Variants in PTPN14 observed in about 807,000 individuals in gnomAD.
PTPN14 encodes the protein tyrosine-protein phosphatase non-receptor type 14.
In PTPN14, 53 loss-of-function variants were observed where a neutral mutation model predicts 126.8. The observed-to-expected ratio is 0.42, with a 90% CI of 0.34 to 0.53. PTPN14 has a LOEUF of 0.53. Ranked by LOEUF, PTPN14 falls within the 20% of genes least tolerant of loss-of-function variation. The probability of loss-of-function intolerance (pLI) is 0.08; values close to 1 mark genes in which losing one functional copy is unlikely to be tolerated. For synonymous variants in PTPN14, 630 were observed against 599.3 expected, an observed-to-expected ratio of 1.05 and a Z score of -0.75; for missense variants, 1,257 against 1,552.9, an observed-to-expected ratio of 0.81 and a Z score of 3.20.
intron 1 of PTPN14, among the ~76,000 whole-genome samples, chr1:214,490,946 AAGAAAGAAAGGAAGGAAGGAAG>A (rs1661228203): frequency 1.8e-5 from 2 of 111,612 alleles, no homozygotes; most frequent in Non-Finnish European, 4.1e-5. Context: ...AAAGAAAGAA[AAGAAAGAAAGGAAGGAAGGAAG>A]GGAAGGAAAG....
intron 3 of PTPN14, among the ~76,000 whole-genome samples, chr1:214,449,313 T>C (rs1172132109): frequency 6.6e-6 from 1 of 152,188 alleles, no homozygotes; most frequent in East Asian, 1.9e-4. Flanking sequence ...GCCGACTTAA[T>C]TTTTCTAAGC....
At position 214,399,018 on chromosome 1, in the gene PTPN14, C is replaced by T. The variant is rs543619625; in HGVS notation, c.670-1017G>A. Among the ~76,000 whole-genome samples, 10 of 152,244 alleles carry T rather than the reference C, an allele frequency of 6.6e-5. No homozygotes were observed. In the South Asian group the frequency reaches 1.7e-3, roughly 25 times the overall value. The stretch of plus-strand genomic sequence containing the variant: ...TCTTGACCTCGTGATCCACCCGCCT[C>T]GGACTCCCAAAGTGCTGGGATTACA... On this transcript the variant is annotated intron_variant, in intron 7 of 18. Transcript: ENST00000366956.
chr1:214,355,965 T>C lies in PTPN14; in HGVS notation c.*1957A>G, dbSNP rs1477001977. ...TTCTTGACAACCTTTTTTCCTTTTTTTTTTTTTTTTTTGGAGGCAGGGTCT... is the reference window on the plus strand; with the variant it reads ...TTCTTGACAACCTTTTTTCCTTTTTCTTTTTTTTTTTTGGAGGCAGGGTCT... On this transcript the variant is annotated 3_prime_UTR_variant, in exon 19 of 19. Transcript: ENST00000366956. 6.7e-6 allele frequency: 1 copy of C among 149,124 alleles called. No homozygotes were observed. Among genetic ancestry groups the C allele is most frequent in the African/African-American group, 2.5e-5 (1 of 40,356 alleles). The allele number at this position is 149,124 out of a possible 1,614,324, so 9.2% of individuals were successfully genotyped here. A position where few individuals can be genotyped will look rare whatever the true frequency, so the allele number is the denominator to read the frequency against.
At chr1:214,376,840 T>C (rs1310230189) in intron 14 of PTPN14, among the ~76,000 whole-genome samples, 1 of 152,208 alleles carries the variant, frequency 6.6e-6, no homozygotes, top group East Asian at 1.9e-4. Context: ...CTCTCTTTTT[T>C]CCTCCTTCCT....
At chr1:214,544,980 C>A (rs978622744) in intron 1 of PTPN14, among the ~76,000 whole-genome samples, 1 of 151,828 alleles carries the variant, frequency 6.6e-6, no homozygotes, top group Admixed American at 6.6e-5. Flanking sequence ...GTTAAGCAGG[C>A]AGGAAGGGGT....
At chr1:214,471,079 T>A (rs74427316) in intron 1 of PTPN14, among the ~76,000 whole-genome samples, 26 of 120,108 alleles carry the variant, frequency 2.2e-4, no homozygotes, top group Non-Finnish European at 3.2e-4. Flanking sequence ...CCCTAAATCT[T>A]TTTTTTTTTT....
At chr1:214,402,629 C>CGAAGGAAG (rs1174182938) in intron 6 of PTPN14, among the ~76,000 whole-genome samples, 4 of 47,592 alleles carry the variant, frequency 8.4e-5, no homozygotes, top group African/African-American at 1.9e-4. Flanking sequence ...CCCAGATTCT[C>CGAAGGAAG]TAAGGAAGGA....
chr1:214,430,300 T>C (rs566478585), intron 3 of PTPN14, among the ~76,000 whole-genome samples: 4 of 152,310 alleles, frequency 2.6e-5, no homozygotes, highest in African/African-American at 7.2e-5. Flanking sequence ...TCCAGGCTGT[T>C]TTCCTGCCTA....
chr1:214,391,104 T>G (rs12734399), intron 10 of PTPN14, 59 bp from the exon 11 acceptor site: 1 of 1,296,806 alleles, frequency 7.7e-7, no homozygotes, highest in Non-Finnish European at 1.1e-6. Context: ...AAAGACCAGA[T>G]AGACAAGGGA....
chr1:214,495,047 T>C (rs1031956715), intron 1 of PTPN14, among the ~76,000 whole-genome samples: 2 of 152,244 alleles, frequency 1.3e-5, no homozygotes, highest in Non-Finnish European at 2.9e-5. Flanking sequence ...ATGTATTTTC[T>C]CCTCTCTCAG....
At chr1:214,386,659 T>G (rs1016867401) in intron 12 of PTPN14, among the ~76,000 whole-genome samples, 185 bp downstream of exon 12, 2 of 152,190 alleles carry the variant, frequency 1.3e-5, no homozygotes, top group African/African-American at 4.8e-5. Flanking sequence ...ACTGGGGAAA[T>G]TTTTTGATCA....
chr1:214,395,632 CACAG>C (rs1477055980), intron 8 of PTPN14, among the ~76,000 whole-genome samples: 1 of 146,312 alleles, frequency 6.8e-6, no homozygotes, highest in African/African-American at 2.6e-5. Context: ...CACACACACA[CACAG>C]AGTTTCCTTC....
chr1:214,550,529 G>A (rs189430275), intron 1 of PTPN14, among the ~76,000 whole-genome samples: 58 of 152,358 alleles, frequency 3.8e-4, no homozygotes, highest in African/African-American at 1.4e-3. Flanking sequence ...CTGAGATCTG[G>A]GGGTCACGTG....
chr1:214,500,291 C>A (rs1177251503), intron 1 of PTPN14, among the ~76,000 whole-genome samples: 5 of 151,964 alleles, frequency 3.3e-5, no homozygotes, highest in Admixed American at 6.5e-5. Context: ...AGACTCTGGA[C>A]ACAAACTCTT....
At chr1:214,410,109 G>A (rs1373790213) in intron 5 of PTPN14, among the ~76,000 whole-genome samples, 1 of 151,988 alleles carries the variant, frequency 6.6e-6, no homozygotes, top group Non-Finnish European at 1.5e-5. Context: ...CTTTATATCT[G>A]TTGTTTCCTT....
chr1:214,517,446 G>T (rs902866831), intron 1 of PTPN14, among the ~76,000 whole-genome samples: 33 of 150,578 alleles, frequency 2.2e-4, no homozygotes, highest in African/African-American at 8.1e-4. Flanking sequence ...GCTTGAGATG[G>T]TACTGCTAGG....
At chr1:214,480,503 G>A (rs886240319) in intron 1 of PTPN14, among the ~76,000 whole-genome samples, 6 of 152,286 alleles carry the variant, frequency 3.9e-5, no homozygotes, top group African/African-American at 1.4e-4. Context: ...GTCTTCATGT[G>A]ACAGGAAGTC....
At chr1:214,426,421 C>A (rs1389388750) in intron 3 of PTPN14, among the ~76,000 whole-genome samples, 1 of 152,062 alleles carries the variant, frequency 6.6e-6, no homozygotes, top group East Asian at 1.9e-4. Context: ...TTTTGAACAT[C>A]CTTTCTTCTT....
At position 214,355,431 on chromosome 1, in the gene PTPN14, G is replaced by A. The variant is rs1478585067; in HGVS notation, c.*2491C>T. On this transcript the variant is annotated 3_prime_UTR_variant, in exon 19 of 19. Transcript: ENST00000366956. ...CATCCCTAACAGCAGAATATCCCAA[G>A]GATGGAAAAACCTCCAAGGAAAGGA... 1 of 152,172 alleles carries A rather than the reference G, an allele frequency of 6.6e-6. No individual in the cohort carries two copies. Among genetic ancestry groups the A allele is most frequent in the South Asian group, 2.1e-4 (1 of 4,824 alleles). The allele number at this position is 152,172 out of a possible 1,614,324, so 9.4% of individuals were successfully genotyped here. A position where few individuals can be genotyped will look rare whatever the true frequency, so the allele number is the denominator to read the frequency against.
Sources: allele counts gnomAD v4.1 joint callset (sites outside exome capture counted in the v4.1 genomes callset), GRCh38; gene constraint gnomAD v4.1.1; transcripts MANE v1.5; gene names NCBI Gene and HGNC (gene_info 2026-07-23, HGNC 2026-07-21).